Variants in ADAM23 observed in about 807,000 individuals in gnomAD.
The protein encoded by ADAM23 is disintegrin and metalloproteinase domain-containing protein 23.
In ADAM23, 33 loss-of-function variants were observed where a neutral mutation model predicts 120.1. The ratio of observed to expected loss-of-function variants is 0.27; its 90% CI spans 0.21 to 0.37. The LOEUF (loss-of-function observed/expected upper bound fraction) is 0.37, where lower values mean the gene tolerates loss of function less well. ADAM23 is among the 10% of genes least tolerant of loss of function. The probability of loss-of-function intolerance (pLI) is 1.00; values close to 1 mark genes in which losing one functional copy is unlikely to be tolerated. For missense variants in ADAM23, 862 were observed against 1,058.2 expected, an observed-to-expected ratio of 0.81 and a Z score of 2.57; for synonymous variants, 367 against 375.2, an observed-to-expected ratio of 0.98 and a Z score of 0.25.
intron 3 of ADAM23, among the ~76,000 whole-genome samples, chr2:206,494,651 A>G (rs1696201270): frequency 6.6e-6 from 1 of 152,200 alleles, no homozygotes; most frequent in Admixed American, 6.5e-5. Context: ...GTTGATATCA[A>G]ATGTTTACTG....
chr2:206,544,567 A>G (rs1334213346), intron 6 of ADAM23, among the ~76,000 whole-genome samples: 2 of 151,960 alleles, frequency 1.3e-5, no homozygotes, highest in Non-Finnish European at 2.9e-5. Flanking sequence ...TTAGATAGTG[A>G]TACATGGTAA....
chr2:206,483,047 G>C (rs185075232), intron 3 of ADAM23, among the ~76,000 whole-genome samples: 1 of 152,172 alleles, frequency 6.6e-6, no homozygotes, highest in Admixed American at 6.5e-5. Context: ...GGTATTTCAC[G>C]TGTCAGTGCT....
rs763391737 is a variant in ADAM23 at position 206,530,865 on chromosome 2, C to G, written c.510-20C>G. On this transcript the variant is annotated intron_variant, in intron 3 of 25. Transcript: ENST00000264377. ...AAGTGTCTTAGATGCAGAAATCACT[C>G]TATTTTCTTTCCTTTGTAGTGGTTT... The G allele has an allele frequency of 1.2e-6, 2 of 1,609,220 alleles. No individual in the cohort carries two copies. The highest frequency in any genetic ancestry group is 3.4e-5 in the Admixed American group (2 of 59,574).
intron 2 of ADAM23, among the ~76,000 whole-genome samples, chr2:206,470,608 A>G (rs1424045062): frequency 6.6e-6 from 1 of 152,198 alleles, no homozygotes; most frequent in African/African-American, 2.4e-5. Context: ...GTGGGCCTCT[A>G]TGTTGAGGAA....
chr2:206,616,077 G>T (rs538333712), intron 25 of ADAM23, among the ~76,000 whole-genome samples: 1 of 152,280 alleles, frequency 6.6e-6, no homozygotes, highest in Non-Finnish European at 1.5e-5. Flanking sequence ...GTCCTTCAGG[G>T]TCATTTCACA....
intron 3 of ADAM23, among the ~76,000 whole-genome samples, chr2:206,529,037 G>T (rs1315809788): frequency 6.6e-6 from 1 of 152,152 alleles, no homozygotes; most frequent in Admixed American, 6.5e-5. Context: ...TCTTCAGGAG[G>T]CACATATTTT....
chr2:206,464,682 G>T lies in ADAM23; in HGVS notation c.433-16550G>T, dbSNP rs563074551. Reference sequence around the variant, plus strand: ...CATCTTCTGTACATAGAGAGTAGGGGTTCTCAACCAGTTTGCTCCCCGCTG... The same window carrying T: ...CATCTTCTGTACATAGAGAGTAGGGTTTCTCAACCAGTTTGCTCCCCGCTG... On this transcript the variant is annotated intron_variant, in intron 2 of 25. Transcript: ENST00000264377. Among the ~76,000 whole-genome samples, 20 of 152,240 alleles carry T rather than the reference G, an allele frequency of 1.3e-4. No homozygotes were observed. The East Asian group carries it at 3.9e-3, about 29-fold the overall frequency.
intron 9 of ADAM23, among the ~76,000 whole-genome samples, chr2:206,552,985 A>T (rs930625143): frequency 2.6e-5 from 4 of 152,156 alleles, no homozygotes; most frequent in African/African-American, 9.7e-5. Context: ...ACTATTATTA[A>T]AATGGGTGAG....
chr2:206,612,297 G>T (rs1039668047), intron 25 of ADAM23, among the ~76,000 whole-genome samples: 1 of 152,104 alleles, frequency 6.6e-6, no homozygotes, highest in African/African-American at 2.4e-5. Context: ...CCCACCACTT[G>T]GACAGTTCTG....
At chr2:206,495,468 C>T (rs1387940034) in intron 3 of ADAM23, among the ~76,000 whole-genome samples, 2 of 152,022 alleles carry the variant, frequency 1.3e-5, no homozygotes, top group African/African-American at 4.8e-5. Flanking sequence ...TTCGTCACCA[C>T]CAGGCCTGCC....
At chr2:206,578,055 G>T (rs1049543113) in intron 18 of ADAM23, among the ~76,000 whole-genome samples, 1 of 152,068 alleles carries the variant, frequency 6.6e-6, no homozygotes, top group African/African-American at 2.4e-5. Context: ...GCTGCACAAG[G>T]TTTTTTTCTA....
intron 3 of ADAM23, among the ~76,000 whole-genome samples, chr2:206,496,224 A>G (rs529085136): frequency 6.6e-6 from 1 of 152,326 alleles, no homozygotes; most frequent in South Asian, 2.1e-4. Context: ...CACCACACCT[A>G]TTCCAAAATT....
chr2:206,548,145 T>C (rs1301249517), intron 7 of ADAM23, 136 bp from the exon 8 acceptor site: 10 of 693,230 alleles, frequency 1.4e-5, no homozygotes, highest in Admixed American at 1.1e-4. Flanking sequence ...GTGTGAAATA[T>C]ATAATGATCA....
chr2:206,534,481 C>CTT (rs879312583), intron 4 of ADAM23, among the ~76,000 whole-genome samples: 2 of 144,758 alleles, frequency 1.4e-5, no homozygotes, highest in African/African-American at 2.5e-5. Context: ...ACATAGTTAT[C>CTT]TTTTTTTTTT....
chr2:206,496,776 G>C (rs1463913768), intron 3 of ADAM23, among the ~76,000 whole-genome samples: 1 of 152,064 alleles, frequency 6.6e-6, no homozygotes, highest in Non-Finnish European at 1.5e-5. Context: ...AAGAAGAAAA[G>C]AGAGAAGAAT....
intron 2 of ADAM23, among the ~76,000 whole-genome samples, chr2:206,473,367 A>T (rs1424105383): frequency 6.6e-6 from 1 of 152,008 alleles, no homozygotes; most frequent in Non-Finnish European, 1.5e-5. Flanking sequence ...CACTCCACAA[A>T]TTCAAATGCG....
At chr2:206,613,369 A>G (rs1698872715) in intron 25 of ADAM23, among the ~76,000 whole-genome samples, 1 of 152,088 alleles carries the variant, frequency 6.6e-6, no homozygotes, top group African/African-American at 2.4e-5. Context: ...AACTTTGCTT[A>G]ATTTCATACT....
At chr2:206,559,699 T>G (rs1312424780) in intron 10 of ADAM23, among the ~76,000 whole-genome samples, 1 of 152,154 alleles carries the variant, frequency 6.6e-6, no homozygotes, top group African/African-American at 2.4e-5. Flanking sequence ...TTACTGTCTC[T>G]CCCTAGGACA....
At chr2:206,595,257 A>G (rs571810060) in intron 23 of ADAM23, among the ~76,000 whole-genome samples, 1 of 152,326 alleles carries the variant, frequency 6.6e-6, no homozygotes, top group Admixed American at 6.5e-5. Context: ...CAGATTAAAA[A>G]GCTTCCTTGT....
Sources: gnomAD v4.1 joint callset for allele counts (sites outside exome capture counted in the v4.1 genomes callset) on GRCh38, gnomAD v4.1.1 for gene constraint, MANE v1.5 for transcripts, NCBI Gene and HGNC (gene_info 2026-07-23, HGNC 2026-07-21) for gene names.